CDKAL1: variants seen among roughly 807,000 people sequenced by gnomAD.
CDKAL1 encodes the protein threonylcarbamoyladenosine tRNA methylthiotransferase.
A neutral mutation model predicts 68.2 loss-of-function variants in CDKAL1; 32 were observed. The observed-to-expected ratio is 0.47, with a 90% CI of 0.35 to 0.63. The LOEUF is 0.63. CDKAL1 is among the 30% of genes least tolerant of loss of function. The pLI is 0.00. For missense variants in CDKAL1, 606 were observed against 696.7 expected (o/e 0.87, Z 1.47); for synonymous variants, 234 against 244.3 (o/e 0.96, Z 0.39).
intron 11 of CDKAL1, among the ~76,000 whole-genome samples, chr6:21,044,725 C>T (rs890845221): frequency 9.2e-5 from 14 of 152,206 alleles, no homozygotes; most frequent in African/African-American, 3.4e-4. Context: ...GCAAACACTT[C>T]ACTTTTCTAA....
intron 10 of CDKAL1, among the ~76,000 whole-genome samples, chr6:20,956,795 A>G (rs1764796943): frequency 6.6e-6 from 1 of 152,202 alleles, no homozygotes; most frequent in Admixed American, 6.6e-5. Context: ...TGCTAATTAT[A>G]AATACATAAT....
At chr6:21,156,424 C>CAAA (rs372631710) in intron 13 of CDKAL1, among the ~76,000 whole-genome samples, 31,806 of 84,332 alleles carry the variant, frequency 0.38, 4,785 homozygotes, top group African/African-American at 0.42. Flanking sequence ...ACCCTGTCTC[C>CAAA]AAAAAAAAAA....
At chr6:20,727,054 G>T (rs1439964533) in intron 5 of CDKAL1, among the ~76,000 whole-genome samples, 1 of 152,140 alleles carries the variant, frequency 6.6e-6, no homozygotes, top group African/African-American at 2.4e-5. Flanking sequence ...TTGTAAATCA[G>T]TTCTGAAAAT....
intron 7 of CDKAL1, among the ~76,000 whole-genome samples, chr6:20,775,389 C>G (rs1775130038): frequency 6.6e-6 from 1 of 152,192 alleles, no homozygotes; most frequent in Non-Finnish European, 1.5e-5. Context: ...AGTCACAAAA[C>G]AAACCAGTGC....
intron 12 of CDKAL1, among the ~76,000 whole-genome samples, chr6:21,087,086 T>C (rs1347793282): frequency 1.3e-5 from 2 of 152,192 alleles, no homozygotes; most frequent in African/African-American, 4.8e-5. Flanking sequence ...CTCTTTTCCT[T>C]CTGCACCCAG....
intron 10 of CDKAL1, among the ~76,000 whole-genome samples, chr6:20,968,862 A>G (rs919518300): frequency 1.3e-5 from 2 of 151,842 alleles, no homozygotes; most frequent in African/African-American, 4.8e-5. Context: ...ATCATATTTA[A>G]AGTGCTGATT....
chr6:20,609,141 C>T (rs1001619738), intron 4 of CDKAL1, among the ~76,000 whole-genome samples: 4 of 152,096 alleles, frequency 2.6e-5, no homozygotes, highest in Non-Finnish European at 5.9e-5. Context: ...CAAAACAGAC[C>T]TCTTATCTGT....
At chr6:20,847,503 T>C (rs963462663) in intron 9 of CDKAL1, among the ~76,000 whole-genome samples, 39 of 152,336 alleles carry the variant, frequency 2.6e-4, no homozygotes, top group Admixed American at 2.2e-3. Flanking sequence ...GGCATGAAAT[T>C]AGTACTTTTT....
intron 5 of CDKAL1, among the ~76,000 whole-genome samples, chr6:20,711,859 A>T (rs1408162237): frequency 6.6e-6 from 1 of 152,178 alleles, no homozygotes; most frequent in Non-Finnish European, 1.5e-5. Context: ...AATTCCTCCC[A>T]TTTGTCTCTT....
At chr6:21,191,511 G>T (rs1451493987) in intron 13 of CDKAL1, among the ~76,000 whole-genome samples, 1 of 152,180 alleles carries the variant, frequency 6.6e-6, no homozygotes, top group African/African-American at 2.4e-5. Context: ...ATACACTGCA[G>T]AATTAGATCC....
chr6:21,123,180 ACGGCATTGG>A (rs1367261037), intron 13 of CDKAL1, among the ~76,000 whole-genome samples: 1 of 152,130 alleles, frequency 6.6e-6, no homozygotes, highest in Non-Finnish European at 1.5e-5. Flanking sequence ...GTGGCTGGGC[ACGGCATTGG>A]GATACCTGTA....
intron 2 of CDKAL1, 93 bp from the exon 3 acceptor site, chr6:20,546,250 TTGA>T (rs1763597659): frequency 2.2e-6 from 2 of 922,472 alleles, no homozygotes; most frequent in Non-Finnish European, 3.3e-6. Flanking sequence ...ATCCAAAGGC[TTGA>T]TTAGATTCAA....
In CDKAL1 at chr6:21,037,117, G is replaced by A. The variant is rs373296646; in HGVS notation, c.1056-27931G>A. Among the ~76,000 whole-genome samples the A allele has an allele frequency of 3.3e-5, 5 of 152,184 alleles. No individual in the cohort carries two copies. The East Asian group carries it at 5.8e-4, about 18-fold the overall frequency. The stretch of plus-strand genomic sequence containing the variant: ...TTTAATGGGGGGAAAAATCTAAAAC[G>A]GAAACCCAATATGTGACAGTTAATC... On this transcript the variant is annotated intron_variant, in intron 11 of 15. Coordinates refer to ENST00000274695, the MANE Select transcript of CDKAL1 (RefSeq NM_017774.3).
intron 5 of CDKAL1, among the ~76,000 whole-genome samples, chr6:20,708,513 T>C (rs1771702881): frequency 6.6e-6 from 1 of 152,192 alleles, no homozygotes; most frequent in African/African-American, 2.4e-5. Context: ...AAGTCACTTG[T>C]GGTTTAGAGG....
intron 4 of CDKAL1, among the ~76,000 whole-genome samples, chr6:20,597,698 A>T (rs1036102103): frequency 1.8e-4 from 28 of 152,228 alleles, no homozygotes; most frequent in African/African-American, 6.5e-4. Context: ...TACAGGCGTG[A>T]GCCATCACAC....
intron 11 of CDKAL1, among the ~76,000 whole-genome samples, chr6:21,051,121 A>G (rs1770514354): frequency 6.6e-6 from 1 of 152,206 alleles, no homozygotes; most frequent in African/African-American, 2.4e-5. Flanking sequence ...GCAGAATGTG[A>G]ACACTGTCTG....
intron 13 of CDKAL1, among the ~76,000 whole-genome samples, chr6:21,178,002 A>G (rs1036000192): frequency 3.3e-5 from 5 of 152,160 alleles, no homozygotes; most frequent in African/African-American, 7.2e-5. Flanking sequence ...TGTCCAAACA[A>G]AAGTTAGAAT....
chr6:20,661,056 A>G (rs1562005620), intron 5 of CDKAL1, among the ~76,000 whole-genome samples: 1 of 152,122 alleles, frequency 6.6e-6, no homozygotes, highest in Non-Finnish European at 1.5e-5. Flanking sequence ...ATGAGTGAAA[A>G]AGATCTAAAA....
rs533502156 is a variant in CDKAL1 at position 20,960,217 on chromosome 6, C to A, written c.909+4632C>A. ...GATCATAGCGCTCTACAGCCTTGAACTCCTGGGCTCAAGTGATCCTCCTGC... is the reference window on the plus strand; with the variant it reads ...GATCATAGCGCTCTACAGCCTTGAAATCCTGGGCTCAAGTGATCCTCCTGC... On this transcript the variant is annotated intron_variant, in intron 10 of 15. Transcript: ENST00000274695. 7.2e-5 allele frequency among the ~76,000 whole-genome samples: 11 copies of A among 152,240 alleles called. No homozygotes were observed. In the South Asian group the frequency reaches 2.3e-3, roughly 32 times the overall value.
Sources: gnomAD v4.1 joint callset for allele counts (sites outside exome capture counted in the v4.1 genomes callset) on GRCh38, gnomAD v4.1.1 for gene constraint, MANE v1.5 for transcripts, NCBI Gene and HGNC (gene_info 2026-07-23, HGNC 2026-07-21) for gene names.